EPHA6: variants seen among roughly 807,000 people sequenced by gnomAD.
EPHA6 encodes the protein EPH receptor A6, also known as ephrin type-A receptor 6.
A neutral mutation model predicts 112.0 loss-of-function variants in EPHA6; 50 were observed. That is an observed-to-expected ratio of 0.45 (90% CI 0.36 to 0.56). The LOEUF (loss-of-function observed/expected upper bound fraction) is 0.56. Among genes scored for constraint, EPHA6 ranks in the 20% least tolerant of loss-of-function variants. The pLI, the probability that EPHA6 is intolerant of heterozygous loss-of-function variation, is 0.00. For missense variants in EPHA6, 1,280 were observed against 1,417.4 expected, an observed-to-expected ratio of 0.90 and a Z score of 1.56; for synonymous variants, 529 against 490.7, an observed-to-expected ratio of 1.08 and a Z score of -1.03.
intron 3 of EPHA6, among the ~76,000 whole-genome samples, chr3:97,026,991 A>T (rs2044662308): frequency 6.6e-6 from 1 of 152,210 alleles, no homozygotes; most frequent in Non-Finnish European, 1.5e-5. Context: ...ATGAATGTGT[A>T]TGTTCATTAC....
chr3:97,047,001 T>A (rs543926541), intron 3 of EPHA6, among the ~76,000 whole-genome samples: 1 of 152,252 alleles, frequency 6.6e-6, no homozygotes, highest in African/African-American at 2.4e-5. Context: ...GTTTAGGAAA[T>A]CCATATGTAC....
chr3:97,663,165 A>G (rs1267048254), intron 14 of EPHA6, among the ~76,000 whole-genome samples: 1 of 152,200 alleles, frequency 6.6e-6, no homozygotes, highest in Non-Finnish European at 1.5e-5. Context: ...GGAAGGAAAG[A>G]GATCTGGAGA....
At chr3:96,890,539 T>G (rs924385025) in intron 2 of EPHA6, among the ~76,000 whole-genome samples, 1 of 152,228 alleles carries the variant, frequency 6.6e-6, no homozygotes, top group African/African-American at 2.4e-5. Context: ...GTGGAACATA[T>G]AAGGTTGTCA....
intron 3 of EPHA6, among the ~76,000 whole-genome samples, chr3:96,988,917 T>C (rs1268179330): frequency 6.6e-6 from 1 of 152,144 alleles, no homozygotes; most frequent in Non-Finnish European, 1.5e-5. Flanking sequence ...ACCTAATAAG[T>C]ATATACATTC....
intron 3 of EPHA6, among the ~76,000 whole-genome samples, chr3:97,050,316 G>C (rs1247305383): frequency 6.6e-6 from 1 of 152,168 alleles, no homozygotes; most frequent in Non-Finnish European, 1.5e-5. Context: ...TTTCACGAAA[G>C]AGGTAAGAAG....
intron 4 of EPHA6, among the ~76,000 whole-genome samples, chr3:97,231,140 C>T (rs989416334): frequency 1.3e-5 from 2 of 152,190 alleles, no homozygotes; most frequent in African/African-American, 4.8e-5. Flanking sequence ...CTGGTCTCCT[C>T]CAGTCATATT....
At chr3:97,587,180 G>A (rs796959498) in intron 11 of EPHA6, among the ~76,000 whole-genome samples, 147 of 151,990 alleles carry the variant, frequency 9.7e-4, no homozygotes, top group African/African-American at 3.3e-3. Context: ...GAGGCAGAAT[G>A]GCAGAATCCA....
rs373630989 is a variant in EPHA6 at position 96,912,960 on chromosome 3, G to T, written c.450+46071G>T. On this transcript the variant is annotated intron_variant, in intron 2 of 17. Coordinates refer to ENST00000389672, the MANE Select transcript of EPHA6 (RefSeq NM_001080448.3). Reference sequence around the variant, plus strand: ...TAGTAACTTAAAAAAATGTAATATTGTTTAATATGCTAGTGGCATGGTTTT... The same window carrying T: ...TAGTAACTTAAAAAAATGTAATATTTTTTAATATGCTAGTGGCATGGTTTT... 1.6e-4 allele frequency among the ~76,000 whole-genome samples: 24 copies of T among 152,138 alleles called. No homozygotes were observed. The East Asian group carries it at 2.1e-3, about 14-fold the overall frequency.
chr3:97,624,371 G>T lies in EPHA6; in HGVS notation c.2575-13502G>T, dbSNP rs551890168. Among the ~76,000 whole-genome samples the T allele has an allele frequency of 4.0e-5, 6 of 151,670 alleles. No homozygotes were observed. The East Asian group carries it at 7.8e-4, about 20-fold the overall frequency. ...CTGACTTTCATATTTGAACCATCCT[G>T]ACATTCAAATTATTAATTTGAATTA... is the stretch of plus-strand genomic sequence containing the variant. On this transcript the variant is annotated intron_variant, in intron 13 of 17. Transcript: ENST00000389672.
intron 2 of EPHA6, among the ~76,000 whole-genome samples, chr3:96,939,398 A>G (rs372014763): frequency 2.6e-5 from 4 of 151,876 alleles, no homozygotes; most frequent in East Asian, 1.9e-4. Context: ...TTGCGTAGAG[A>G]TGTTTGTAGT....
At chr3:97,142,733 ACTAT>A (rs2075944453) in intron 3 of EPHA6, among the ~76,000 whole-genome samples, 2 of 151,870 alleles carry the variant, frequency 1.3e-5, no homozygotes, top group African/African-American at 4.8e-5. Context: ...ATCTTACCAG[ACTAT>A]CTATCTCAAT....
intron 2 of EPHA6, among the ~76,000 whole-genome samples, chr3:96,909,345 A>G (rs1490733640): frequency 6.6e-6 from 1 of 151,956 alleles, no homozygotes; most frequent in Non-Finnish European, 1.5e-5. Flanking sequence ...TTCAAAAATA[A>G]ATACCAGCAA....
intron 3 of EPHA6, among the ~76,000 whole-genome samples, chr3:97,113,749 G>C (rs545864688): frequency 4.6e-5 from 7 of 151,884 alleles, no homozygotes; most frequent in East Asian, 3.9e-4. Flanking sequence ...TCCCCATAAA[G>C]GCTATATTGA....
intron 2 of EPHA6, among the ~76,000 whole-genome samples, chr3:96,956,025 A>T (rs892604350): frequency 2.0e-5 from 3 of 152,224 alleles, no homozygotes; most frequent in African/African-American, 7.2e-5. Flanking sequence ...AAATGGAATA[A>T]ACATGCTCTC....
intron 10 of EPHA6, among the ~76,000 whole-genome samples, chr3:97,499,748 C>T (rs572060345): frequency 7.2e-5 from 11 of 152,054 alleles, no homozygotes; most frequent in African/African-American, 2.7e-4. Context: ...ATAAAAGTGC[C>T]CTACCTGTGT....
chr3:97,460,946 A>T (rs140625100), intron 7 of EPHA6, among the ~76,000 whole-genome samples: 1 of 152,274 alleles, frequency 6.6e-6, no homozygotes, highest in East Asian at 1.9e-4. Context: ...TCTAAGACAG[A>T]TAATAAGAGA....
chr3:97,200,020 A>G (rs1203248770), intron 3 of EPHA6, among the ~76,000 whole-genome samples: 1 of 152,084 alleles, frequency 6.6e-6, no homozygotes, highest in East Asian at 1.9e-4. Context: ...AATAGGGGTT[A>G]TAGAGCAGCA....
chr3:97,269,866 A>G (rs976039644), intron 5 of EPHA6, among the ~76,000 whole-genome samples: 1 of 152,232 alleles, frequency 6.6e-6, no homozygotes, highest in Non-Finnish European at 1.5e-5. Flanking sequence ...AAAAAATGGC[A>G]AATAATTATT....
At chr3:97,062,874 A>G (rs2108127908) in intron 3 of EPHA6, among the ~76,000 whole-genome samples, 1 of 152,280 alleles carries the variant, frequency 6.6e-6, no homozygotes, top group African/African-American at 2.4e-5. Context: ...GCAGTGTGAA[A>G]ACGGACTAAT....
Sources: allele counts gnomAD v4.1 joint callset (sites outside exome capture counted in the v4.1 genomes callset), GRCh38; gene constraint gnomAD v4.1.1; transcripts MANE v1.5; gene names NCBI Gene and HGNC (gene_info 2026-07-23, HGNC 2026-07-21).